ABTB2: variants seen among roughly 807,000 people sequenced by gnomAD.
ABTB2 encodes the protein ankyrin repeat and BTB/POZ domain-containing protein 2.
A neutral mutation model predicts 104.1 loss-of-function variants in ABTB2; 56 were observed. The observed-to-expected ratio is 0.54, with a 90% CI of 0.43 to 0.67. The LOEUF (loss-of-function observed/expected upper bound fraction) is 0.67, where lower values mean the gene tolerates loss of function less well. Ranked by LOEUF, ABTB2 falls within the 30% of genes least tolerant of loss-of-function variation. The pLI is 0.00. For synonymous variants in ABTB2, 606 were observed against 608.2 expected (o/e 1.00, Z 0.05); for missense variants, 1,279 against 1,407.7 (o/e 0.91, Z 1.46).
At chr11:34,198,429 C>CA (rs1165331649) in intron 2 of ABTB2, among the ~76,000 whole-genome samples, 73 of 133,800 alleles carry the variant, frequency 5.5e-4, no homozygotes, top group African/African-American at 2.2e-3. Context: ...GACTTTGTCT[C>CA]AAAAAAACAA....
intron 4 of ABTB2, among the ~76,000 whole-genome samples, chr11:34,171,449 C>T (rs1852872832): frequency 6.6e-6 from 1 of 152,130 alleles, no homozygotes; most frequent in African/African-American, 2.4e-5. Flanking sequence ...GTAGCATGTG[C>T]CTGTATCCCT....
intron 1 of ABTB2, among the ~76,000 whole-genome samples, chr11:34,330,253 T>C (rs1163512278): frequency 2.6e-5 from 4 of 152,156 alleles, no homozygotes; most frequent in Non-Finnish European, 4.4e-5. Flanking sequence ...GCCTGGTATT[T>C]TGGGCTTTGA....
intron 1 of ABTB2, among the ~76,000 whole-genome samples, chr11:34,237,635 C>G (rs115625071): frequency 0.011 from 1,703 of 152,298 alleles, 35 homozygotes; most frequent in African/African-American, 0.038. Flanking sequence ...AGGCTCACTT[C>G]TGTAATCCCA....
chr11:34,212,123 C>T, intron 1 of ABTB2, among the ~76,000 whole-genome samples: 1 of 151,934 alleles, frequency 6.6e-6, no homozygotes, highest in Non-Finnish European at 1.5e-5. Flanking sequence ...GTGGCGCAAT[C>T]TCAGCTCACT....
intron 1 of ABTB2, among the ~76,000 whole-genome samples, chr11:34,341,579 T>C (rs1855262751): frequency 6.6e-6 from 1 of 152,168 alleles, no homozygotes; most frequent in Non-Finnish European, 1.5e-5. Context: ...GCACAAGAAA[T>C]GTGACTTGCA....
chr11:34,357,036 G>C lies in ABTB2; in HGVS notation c.548C>G (p.Ser183Cys). 1 of 1,541,550 alleles carries C rather than the reference G, an allele frequency of 6.5e-7. No individual in the cohort carries two copies. Among genetic ancestry groups the C allele is most frequent in the Non-Finnish European group, 8.7e-7 (1 of 1,145,202 alleles). The change falls in exon 1 of 17, where the codon TCC becomes TGC. Residue 183 changes from serine to cysteine, a missense_variant. Coordinates refer to ENST00000435224, the MANE Select transcript of ABTB2 (RefSeq NM_145804.3). ...SCALAAVKAL[S>C]LYSMSAGDGL... ...GTCGCCGGCGCTCATGCTGTACAGG[G>C]ACAGCGCCTTGACGGCTGCCAGCGC...
Position 34,308,868 on chromosome 11 carries a change from C to CAAA in ABTB2, c.883+47830_883+47832dup, listed in dbSNP as rs57658114. 1.8e-3 allele frequency among the ~76,000 whole-genome samples: 142 copies of CAAA among 77,772 alleles called. 3 individuals are homozygous for CAAA. Among genetic ancestry groups the CAAA allele is most frequent in the Admixed American group, 5.6e-3 (32 of 5,760 alleles). 51.0% of individuals were successfully genotyped at this position (77,772 alleles called of 152,430 possible). ...CTTGGGCAATGAGAGGAAACTGTCTCAAAAAAAAAAAAAAAAAAAGAAAAG... is the reference window on the plus strand; with the variant it reads ...CTTGGGCAATGAGAGGAAACTGTCTCAAAAAAAAAAAAAAAAAAAAAAGAAAAG... On this transcript the variant is annotated intron_variant, in intron 1 of 16. Coordinates refer to ENST00000435224, the MANE Select transcript of ABTB2 (RefSeq NM_145804.3).
At chr11:34,214,139 A>ACACAC (rs1853519948) in intron 1 of ABTB2, among the ~76,000 whole-genome samples, 5 of 139,170 alleles carry the variant, frequency 3.6e-5, no homozygotes, top group African/African-American at 1.4e-4. Flanking sequence ...GCACATTCAA[A>ACACAC]ACACACACAC....
At position 34,271,159 on chromosome 11, in the gene ABTB2, G is replaced by A. The variant is rs543659624; in HGVS notation, c.884-66469C>T. ...AGATGATGAACACTGAATTATTCAA[G>A]ACAGGTCCAGCCCAGGGCAGAAATA... On this transcript the variant is annotated intron_variant, in intron 1 of 16. Coordinates refer to ENST00000435224, the MANE Select transcript of ABTB2 (RefSeq NM_145804.3). Among the ~76,000 whole-genome samples the A allele has an allele frequency of 1.2e-4, 19 of 152,316 alleles. No individual in the cohort carries two copies. The South Asian group carries it at 3.7e-3, about 30-fold the overall frequency.
At chr11:34,171,469 G>A (rs1307853237) in intron 4 of ABTB2, among the ~76,000 whole-genome samples, 1 of 152,114 alleles carries the variant, frequency 6.6e-6, no homozygotes, top group East Asian at 1.9e-4. Context: ...TACTAATCAG[G>A]AGTCTGAGGC....
chr11:34,312,940 G>A (rs1479722532), intron 1 of ABTB2, among the ~76,000 whole-genome samples: 1 of 152,218 alleles, frequency 6.6e-6, no homozygotes, highest in African/African-American at 2.4e-5. Context: ...GCAAGTGGCA[G>A]AGCTGGGGCC....
At chr11:34,185,063 G>C (rs1037568031) in intron 3 of ABTB2, among the ~76,000 whole-genome samples, 2 of 152,218 alleles carry the variant, frequency 1.3e-5, no homozygotes, top group African/African-American at 4.8e-5. Context: ...CTTTTGTTTA[G>C]GCTCTTGGGA....
chr11:34,319,441 A>T (rs1456879197), intron 1 of ABTB2, among the ~76,000 whole-genome samples: 1 of 152,228 alleles, frequency 6.6e-6, no homozygotes, highest in East Asian at 1.9e-4. Flanking sequence ...GGTGTGGGAT[A>T]GCTCCAAGCC....
intron 1 of ABTB2, among the ~76,000 whole-genome samples, chr11:34,283,442 C>T (rs1854471305): frequency 6.6e-6 from 1 of 152,164 alleles, no homozygotes; most frequent in Admixed American, 6.5e-5. Context: ...TCTCGAACTC[C>T]TGACCTCAAG....
chr11:34,250,964 C>T (rs970071166), intron 1 of ABTB2, among the ~76,000 whole-genome samples: 5 of 152,318 alleles, frequency 3.3e-5, no homozygotes, highest in African/African-American at 1.2e-4. Flanking sequence ...AAAGGCAAAG[C>T]AAGACTCACA....
chr11:34,174,480 G>A (rs889424149), intron 3 of ABTB2, among the ~76,000 whole-genome samples: 4 of 152,232 alleles, frequency 2.6e-5, no homozygotes, highest in African/African-American at 9.6e-5. Context: ...CCGGGGCGCC[G>A]CTCATGAGGC....
intron 1 of ABTB2, among the ~76,000 whole-genome samples, chr11:34,271,022 G>A (rs568964908): frequency 2.6e-5 from 4 of 152,222 alleles, no homozygotes; most frequent in South Asian, 4.2e-4. Flanking sequence ...GGGGATGGGT[G>A]GGTTTTTGAT....
intron 5 of ABTB2, 87 bp downstream of exon 5, chr11:34,170,819 G>A: frequency 2.0e-6 from 3 of 1,522,816 alleles, no homozygotes; most frequent in Middle Eastern, 2.0e-4. Context: ...AAATCTCAGG[G>A]TTAGGACAGA....
chr11:34,273,226 C>A (rs1427282989), intron 1 of ABTB2, among the ~76,000 whole-genome samples: 2 of 152,128 alleles, frequency 1.3e-5, no homozygotes, highest in East Asian at 3.8e-4. Context: ...CCTTCTTTTC[C>A]TTTGGTTAAT....
Sources: allele counts gnomAD v4.1 joint callset (sites outside exome capture counted in the v4.1 genomes callset), GRCh38; gene constraint gnomAD v4.1.1; transcripts MANE v1.5; gene names NCBI Gene and HGNC (gene_info 2026-07-23, HGNC 2026-07-21).